Variants in ACSBG1 observed in about 807,000 individuals in gnomAD.
ACSBG1 encodes the protein acyl-CoA synthetase bubblegum family member 1, also known as long-chain-fatty-acid--CoA ligase ACSBG1.
In ACSBG1, 39 loss-of-function variants were observed where a neutral mutation model predicts 80.2. The ratio of observed to expected loss-of-function variants is 0.49; its 90% CI spans 0.38 to 0.64. The LOEUF (loss-of-function observed/expected upper bound fraction) is 0.64. ACSBG1 is among the 30% of genes least tolerant of loss of function. The probability of loss-of-function intolerance (pLI) is 0.00; values close to 1 mark genes in which losing one functional copy is unlikely to be tolerated. For missense variants in ACSBG1, 828 were observed against 966.4 expected (o/e 0.86, Z 1.90); for synonymous variants, 392 against 379.5 (o/e 1.03, Z -0.38).
intron 1 of ACSBG1, among the ~76,000 whole-genome samples, chr15:78,215,491 T>C (rs2075299923): frequency 6.6e-6 from 1 of 152,020 alleles, no homozygotes; most frequent in Non-Finnish European, 1.5e-5. Flanking sequence ...ACCCCGTCTC[T>C]ACTAAAAATG....
chr15:78,208,165 G>T, intron 1 of ACSBG1, 63 bp from the exon 2 acceptor site: 1 of 1,313,976 alleles, frequency 7.6e-7, no homozygotes, highest in Non-Finnish European at 1.1e-6. Flanking sequence ...CCTGGGCTTA[G>T]GGACTCCGGC....
rs2074820795 is a variant in ACSBG1 at position 78,171,454 on chromosome 15, T to G, written c.2165A>C (p.Gln722Pro). The G allele has an allele frequency of 6.2e-7, 1 of 1,614,070 alleles. No individual in the cohort carries two copies. Among genetic ancestry groups the G allele is most frequent in the Non-Finnish European group, 8.5e-7 (1 of 1,179,896 alleles). Residue 722 changes from glutamine to proline, a missense_variant, in exon 14 of 14, where the codon CAA becomes CCA. Physicochemically the swap from Gln to Pro is moderately conservative, Grantham distance 76. Transcript: ENST00000258873. ...KGIIDSFYQEQKM is the reference protein window; with the variant it reads ...KGIIDSFYQEPKM ...AGGCATAGGCCCTGATTACATTTTTTGCTCTTGGTAAAAGGAGTCAATGAT... is the reference window on the plus strand; with the variant it reads ...AGGCATAGGCCCTGATTACATTTTTGGCTCTTGGTAAAAGGAGTCAATGAT...
chr15:78,189,158 A>G (rs936113258), intron 5 of ACSBG1, among the ~76,000 whole-genome samples: 2 of 151,712 alleles, frequency 1.3e-5, no homozygotes. Flanking sequence ...AATCATTAAA[A>G]AGTCAGGAAA....
rs1212876149 is a variant in ACSBG1 at position 78,177,495 on chromosome 15, GCTA to G, written c.1702+1116_1702+1118del. 5.3e-5 allele frequency among the ~76,000 whole-genome samples: 8 copies of G among 152,132 alleles called. No homozygotes were observed. The highest frequency in any genetic ancestry group is 1.2e-4 in the Non-Finnish European group (8 of 68,022). Reference sequence around the variant, plus strand: ...GGCTCTGGTTGAATTTGGTTTTCTGGCTACTATCCTCCCCCATGCAGGGATGTG... The same window carrying G: ...GGCTCTGGTTGAATTTGGTTTTCTGGCTATCCTCCCCCATGCAGGGATGTG... On this transcript the variant is annotated intron_variant, in intron 11 of 13. Transcript: ENST00000258873. This position sits in a 1 kb window ranked among gnomAD's most constrained non-coding sequence, Gnocchi z 4.1.
At chr15:78,204,402 C>G (rs1364900744) in intron 2 of ACSBG1, among the ~76,000 whole-genome samples, 1 of 152,186 alleles carries the variant, frequency 6.6e-6, no homozygotes, top group South Asian at 2.1e-4. Flanking sequence ...TGGAGAGAAG[C>G]CGGGTCTGAG....
rs568429149 is a variant in ACSBG1, at chr15:78,178,436, T to C, written c.1702+178A>G. Among the ~76,000 whole-genome samples the C allele has an allele frequency of 4.9e-4, 75 of 152,246 alleles. No individual in the cohort carries two copies. The highest frequency in any genetic ancestry group is 1.7e-3 in the African/African-American group (69 of 41,534). The stretch of plus-strand genomic sequence containing the variant: ...GCCTCAGCCTCCCGAATAGCTGGGA[T>C]TACAGGTGCATGCCACCACGCCCAG... On this transcript the variant is annotated intron_variant, in intron 11 of 13. Transcript: ENST00000258873. This position sits in a 1 kb window ranked among gnomAD's most constrained non-coding sequence, Gnocchi z 4.3.
At chr15:78,185,394 G>A (rs1226989164) in intron 5 of ACSBG1, among the ~76,000 whole-genome samples, 1 of 152,232 alleles carries the variant, frequency 6.6e-6, no homozygotes, top group South Asian at 2.1e-4. Flanking sequence ...GCCCAGAAGG[G>A]TCATGTCTTA....
At chr15:78,229,964 A>G (rs6495285) in intron 1 of ACSBG1, among the ~76,000 whole-genome samples, 82,309 of 152,076 alleles carry the variant, frequency 0.54, 22,795 homozygotes, top group East Asian at 0.67. Context: ...TTTGGTCAGC[A>G]CAGCGCCCTG....
intron 1 of ACSBG1, among the ~76,000 whole-genome samples, chr15:78,221,506 C>T (rs914746947): frequency 6.6e-6 from 1 of 152,156 alleles, no homozygotes; most frequent in South Asian, 2.1e-4. Flanking sequence ...CAGAACAGAA[C>T]GAATAGTTAG....
At chr15:78,228,657 C>G (rs1038435826) in intron 1 of ACSBG1, among the ~76,000 whole-genome samples, 2 of 152,230 alleles carry the variant, frequency 1.3e-5, no homozygotes, top group Non-Finnish European at 2.9e-5. Context: ...CCTAGAGACT[C>G]ACGCTTTCCA....
At chr15:78,209,520 A>G (rs1391459239) in intron 1 of ACSBG1, among the ~76,000 whole-genome samples, 1 of 152,190 alleles carries the variant, frequency 6.6e-6, no homozygotes. Flanking sequence ...AACTCGTCCT[A>G]CTGACTTTGG....
At chr15:78,230,699 T>C (rs893539451) in intron 1 of ACSBG1, among the ~76,000 whole-genome samples, 2 of 152,226 alleles carry the variant, frequency 1.3e-5, no homozygotes, top group Admixed American at 1.3e-4. Flanking sequence ...AGGATTATTA[T>C]AAGGGGGAGT....
intron 5 of ACSBG1, among the ~76,000 whole-genome samples, chr15:78,189,808 A>G (rs909649702): frequency 6.6e-6 from 1 of 152,068 alleles, no homozygotes; most frequent in East Asian, 1.9e-4. Context: ...TGTACCCTAA[A>G]ACTTAAAGTA....
chr15:78,220,311 C>G (rs1049676250), intron 1 of ACSBG1, among the ~76,000 whole-genome samples: 1 of 152,212 alleles, frequency 6.6e-6, no homozygotes, highest in Non-Finnish European at 1.5e-5. Context: ...TTCCTCATAT[C>G]ACACACAAAA....
chr15:78,180,500 G>A (rs1435931782), intron 9 of ACSBG1, among the ~76,000 whole-genome samples: 1 of 152,182 alleles, frequency 6.6e-6, no homozygotes, highest in Non-Finnish European at 1.5e-5. Context: ...TGCTCCTAGG[G>A]AGGTGAATTT....
rs2074765619 is a variant in ACSBG1 at position 78,167,907 on chromosome 15, T to C, written c.*3537A>G. The C allele has an allele frequency of 6.6e-6, 1 of 152,234 alleles. No homozygotes were observed. The highest frequency in any genetic ancestry group is 1.5e-5 in the Non-Finnish European group (1 of 68,042). 9.4% of individuals were successfully genotyped at this position (152,234 alleles called of 1,614,324 possible). ...TGTTTTTAACAGCCTGATAGTCACA[T>C]TGGAGGTCATATGATTTTCTTATTC... On this transcript the variant is annotated 3_prime_UTR_variant, in exon 14 of 14. Transcript: ENST00000258873.
chr15:78,191,046 G>A (rs891105540), intron 5 of ACSBG1, among the ~76,000 whole-genome samples: 1 of 152,044 alleles, frequency 6.6e-6, no homozygotes, highest in Non-Finnish European at 1.5e-5. Flanking sequence ...GACACAGCTA[G>A]GTTAAAATTA....
intron 1 of ACSBG1, chr15:78,209,278 C>G (rs1303861270): frequency 2.2e-6 from 1 of 455,568 alleles, no homozygotes; most frequent in South Asian, 1.5e-5. Context: ...CGAAAGATAT[C>G]AGAAGGTTAT....
chr15:78,174,523 T>C lies in ACSBG1; in HGVS notation c.1704A>G (p.Glu568=). 2.5e-6 allele frequency: 4 copies of C among 1,613,662 alleles called. No individual in the cohort carries two copies. The highest frequency in any genetic ancestry group is 2.5e-6 in the Non-Finnish European group (3 of 1,179,678). The change falls in exon 12 of 14, where the codon GAA becomes GAG. Residue 568 remains glutamate, a splice_region_variant and synonymous_variant. Coordinates refer to ENST00000258873, the MANE Select transcript of ACSBG1 (RefSeq NM_015162.5). ...TCTCCCCACCAGCTGTGATGATTAATTCTGGGGAGGCAAGGCCAGGCCCCC... is the reference window on the plus strand; with the variant it reads ...TCTCCCCACCAGCTGTGATGATTAACTCTGGGGAGGCAAGGCCAGGCCCCC... ...GFLYITGRLK[E]LIITAGGENV... is the part of the protein sequence containing the mutation.
Sources: gnomAD v4.1 joint callset for allele counts (sites outside exome capture counted in the v4.1 genomes callset) on GRCh38, gnomAD v4.1.1 for gene constraint, Gnocchi (gnomAD v3.1) non-coding constraint, MANE v1.5 for transcripts, NCBI Gene and HGNC (gene_info 2026-07-23, HGNC 2026-07-21) for gene names.